RBMS3: variants seen among roughly 807,000 people sequenced by gnomAD.
The protein encoded by RBMS3 is RNA-binding motif, single-stranded-interacting protein 3.
Under a neutral mutation model 66.8 loss-of-function variants are expected in RBMS3, and 27 were observed. That is an observed-to-expected ratio of 0.40 (90% CI 0.30 to 0.56). The LOEUF (loss-of-function observed/expected upper bound fraction) is 0.56. Among genes scored for constraint, RBMS3 ranks in the 20% least tolerant of loss-of-function variants. The pLI is 0.40. For synonymous variants in RBMS3, 188 were observed against 183.0 expected (o/e 1.03, Z -0.22); for missense variants, 513 against 549.5 (o/e 0.93, Z 0.66).
At chr3:29,891,935 A>G (rs2149592686) in intron 8 of RBMS3, among the ~76,000 whole-genome samples, 1 of 151,674 alleles carries the variant, frequency 6.6e-6, no homozygotes, top group African/African-American at 2.4e-5. Flanking sequence ...ATGAAACACA[A>G]GCCAGTGCTG....
intron 6 of RBMS3, among the ~76,000 whole-genome samples, chr3:29,771,130 C>A (rs2149395070): frequency 6.6e-6 from 1 of 152,132 alleles, no homozygotes; most frequent in African/African-American, 2.4e-5. Context: ...ATGTGTTTAT[C>A]TTACTAGCTG....
At chr3:29,976,334 G>A (rs1697582725) in intron 12 of RBMS3, among the ~76,000 whole-genome samples, 1 of 152,048 alleles carries the variant, frequency 6.6e-6, no homozygotes, top group Non-Finnish European at 1.5e-5. Context: ...CCCAGTAGAA[G>A]TATATCCTGC....
intron 6 of RBMS3, among the ~76,000 whole-genome samples, chr3:29,792,024 T>A (rs2057028163): frequency 2.0e-5 from 3 of 152,214 alleles, no homozygotes; most frequent in Non-Finnish European, 4.4e-5. Flanking sequence ...CACATGTTTT[T>A]AAGTTAACCA....
At chr3:29,307,498 T>C (rs2034091557) in intron 1 of RBMS3, among the ~76,000 whole-genome samples, 1 of 151,778 alleles carries the variant, frequency 6.6e-6, no homozygotes, top group South Asian at 2.1e-4. Context: ...AGGTCAGGAT[T>C]ATGTGGCTAA....
chr3:29,649,336 T>C (rs570639939), intron 4 of RBMS3, among the ~76,000 whole-genome samples: 1 of 152,170 alleles, frequency 6.6e-6, no homozygotes, highest in African/African-American at 2.4e-5. Flanking sequence ...TTTGATGGAG[T>C]TGTACAAATG....
chr3:29,936,192 G>A lies in RBMS3; in HGVS notation c.1046G>A (p.Gly349Glu), dbSNP rs2061261347. 1 of 1,612,350 alleles carries A rather than the reference G, an allele frequency of 6.2e-7. No individual in the cohort carries two copies. Among genetic ancestry groups the A allele is most frequent in the Admixed American group, 1.7e-5 (1 of 59,786 alleles). Residue 349 changes from glycine to glutamate, a missense_variant, in exon 11 of 15, where the codon GGA becomes GAA. Physicochemically the swap from Gly to Glu is moderately conservative, Grantham distance 98. Transcript: ENST00000383767. ...AATCACCTTTCGTTGGGCACAACAG[G>A]AACGGTGAGTTGAAGAGATTGTTTT... ...QMNHLSLGTT[G>E]TIQSQDRIMI...
rs2056580314 is a variant in RBMS3, at chr3:29,780,217, T to A, written c.637+17228T>A. Among the ~76,000 whole-genome samples the A allele has an allele frequency of 2.6e-5, 4 of 152,012 alleles. No homozygotes were observed. The South Asian group carries it at 8.3e-4, about 31-fold the overall frequency. On this transcript the variant is annotated intron_variant, in intron 6 of 14. Transcript: ENST00000383767. ...ATAAACAGGATGAGGGAACCAGATA[T>A]GCCCCTGAGCGCTTTGAATTGATTA...
At chr3:29,964,241 C>T (rs764487270) in intron 12 of RBMS3, among the ~76,000 whole-genome samples, 1 of 152,154 alleles carries the variant, frequency 6.6e-6, no homozygotes, top group Non-Finnish European at 1.5e-5. Context: ...ATTTGGATCA[C>T]AAGCACCATG....
At chr3:29,592,538 G>A (rs2149102328) in intron 4 of RBMS3, among the ~76,000 whole-genome samples, 1 of 152,272 alleles carries the variant, frequency 6.6e-6, no homozygotes, top group South Asian at 2.1e-4. Flanking sequence ...GGAGAAATAG[G>A]AACTCTTTTA....
intron 4 of RBMS3, among the ~76,000 whole-genome samples, chr3:29,704,325 AAC>A (rs1385010240): frequency 8.5e-6 from 1 of 117,780 alleles, no homozygotes; most frequent in Non-Finnish European, 1.9e-5. Flanking sequence ...AAATGAATCA[AAC>A]ACATGTGTGT....
chr3:29,696,955 A>C (rs1004705030), intron 4 of RBMS3: 123 of 836,828 alleles, frequency 1.5e-4, no homozygotes, highest in Non-Finnish European at 1.6e-4. Context: ...TTTAATTTTT[A>C]ATTTTTGTAG....
chr3:29,356,926 G>C (rs2037254799), intron 1 of RBMS3, among the ~76,000 whole-genome samples: 1 of 152,168 alleles, frequency 6.6e-6, no homozygotes, highest in Non-Finnish European at 1.5e-5. Flanking sequence ...GATAAAAAGG[G>C]CAGGTCTTAC....
intron 3 of RBMS3, among the ~76,000 whole-genome samples, chr3:29,525,785 A>G (rs930896891): frequency 6.6e-6 from 1 of 152,156 alleles, no homozygotes; most frequent in Non-Finnish European, 1.5e-5. Context: ...GGTTACATTC[A>G]GTTTCAAGCT....
intron 12 of RBMS3, among the ~76,000 whole-genome samples, chr3:29,986,111 A>C (rs1203988096): frequency 1.3e-5 from 2 of 152,328 alleles, no homozygotes. Context: ...GAAATACTCA[A>C]ATAGGTAAGG....
At chr3:29,970,357 T>C (rs1394389914) in intron 12 of RBMS3, among the ~76,000 whole-genome samples, 1 of 152,222 alleles carries the variant, frequency 6.6e-6, no homozygotes, top group Non-Finnish European at 1.5e-5. Flanking sequence ...TATTGCTTTT[T>C]CTTTTTGTTT....
intron 4 of RBMS3, among the ~76,000 whole-genome samples, chr3:29,695,972 G>C (rs529447599): frequency 6.6e-6 from 1 of 152,174 alleles, no homozygotes; most frequent in Non-Finnish European, 1.5e-5. Context: ...GTAAGGCCAG[G>C]GGGGTCACTA....
intron 4 of RBMS3, among the ~76,000 whole-genome samples, chr3:29,662,381 T>A (rs982236205): frequency 6.6e-6 from 1 of 152,194 alleles, no homozygotes; most frequent in Non-Finnish European, 1.5e-5. Flanking sequence ...AATAAATAAA[T>A]GTTTAATATT....
At chr3:29,933,607 G>T (rs2061187675) in intron 10 of RBMS3, among the ~76,000 whole-genome samples, 1 of 152,040 alleles carries the variant, frequency 6.6e-6, no homozygotes, top group South Asian at 2.1e-4. Flanking sequence ...ATGCAAACAA[G>T]ACTCTAGATT....
intron 6 of RBMS3, among the ~76,000 whole-genome samples, chr3:29,863,529 G>A (rs1450762281): frequency 1.3e-5 from 2 of 151,906 alleles, no homozygotes; most frequent in Non-Finnish European, 2.9e-5. Context: ...AGCAATGTCA[G>A]TAAATATAAA....
Sources: gnomAD v4.1 joint callset for allele counts (sites outside exome capture counted in the v4.1 genomes callset) on GRCh38, gnomAD v4.1.1 for gene constraint, MANE v1.5 for transcripts, NCBI Gene and HGNC (gene_info 2026-07-23, HGNC 2026-07-21) for gene names.